The following FAM13B variants were observed in gnomAD, a reference collection of about 807,000 sequenced individuals.
FAM13B encodes the protein protein FAM13B.
In FAM13B, 60 loss-of-function variants were observed where a neutral mutation model predicts 117.3. The observed-to-expected ratio is 0.51, with a 90% CI of 0.42 to 0.63. The LOEUF (loss-of-function observed/expected upper bound fraction) is 0.63, where lower values mean the gene tolerates loss of function less well. FAM13B is among the 30% of genes least tolerant of loss of function. The probability of loss-of-function intolerance (pLI) is 0.00; values close to 1 mark genes in which losing one functional copy is unlikely to be tolerated. For missense variants in FAM13B, 972 were observed against 1,091.9 expected (o/e 0.89, Z 1.55); for synonymous variants, 332 against 356.1 (o/e 0.93, Z 0.76).
chr5:138,022,720 C>T (rs1186665487), intron 1 of FAM13B, among the ~76,000 whole-genome samples: 1 of 152,082 alleles, frequency 6.6e-6, no homozygotes, highest in Admixed American at 6.6e-5. Flanking sequence ...GCTTGATGTA[C>T]TATAAATGAA....
chr5:138,042,848 T>C (rs532781252), intron 1 of FAM13B, among the ~76,000 whole-genome samples: 100 of 152,186 alleles, frequency 6.6e-4, no homozygotes, highest in African/African-American at 2.3e-3. Context: ...TCCCAGCACT[T>C]TGGGAGGCTG....
chr5:137,965,979 C>CA (rs55675750), intron 10 of FAM13B, among the ~76,000 whole-genome samples: 26,837 of 151,546 alleles, frequency 0.18, 2,472 homozygotes, highest in African/African-American at 0.21. Flanking sequence ...CACCTTCATA[C>CA]ACTTTCAACT....
chr5:137,992,281 G>C (rs1015226669), intron 7 of FAM13B, among the ~76,000 whole-genome samples: 1 of 150,060 alleles, frequency 6.7e-6, no homozygotes, highest in Non-Finnish European at 1.5e-5. Context: ...AATTTTTAAA[G>C]TCTCCTGACA....
chr5:137,976,754 C>T (rs1376194587), intron 10 of FAM13B, among the ~76,000 whole-genome samples: 1 of 152,184 alleles, frequency 6.6e-6, no homozygotes, highest in African/African-American at 2.4e-5. Context: ...TTGTGATTTC[C>T]TATGCCTGTC....
chr5:138,010,130 G>GC (rs1783607875), intron 6 of FAM13B, among the ~76,000 whole-genome samples: 1 of 152,018 alleles, frequency 6.6e-6, no homozygotes, highest in South Asian at 2.1e-4. Flanking sequence ...ACAGGCACAT[G>GC]CCCCTATGCC....
chr5:137,982,538 CAA>C (rs1776048260), intron 10 of FAM13B, among the ~76,000 whole-genome samples: 3 of 141,642 alleles, frequency 2.1e-5, no homozygotes, highest in African/African-American at 7.9e-5. Context: ...ACAACAACAA[CAA>C]CAACAACCTT....
At chr5:137,967,263 T>C (rs983544167) in intron 10 of FAM13B, among the ~76,000 whole-genome samples, 4 of 152,174 alleles carry the variant, frequency 2.6e-5, no homozygotes, top group African/African-American at 9.7e-5. Flanking sequence ...CGGTGGCTTA[T>C]GCCTGTAATC....
chr5:137,999,490 C>T lies in FAM13B; in HGVS notation c.848+7500G>A, dbSNP rs942650556. Reference sequence around the variant, plus strand: ...ACTCAGGAGGCTGAGGCAGAAGAATCGCTTGAACCCAGGAGGCGGAGGCTG... The same window carrying T: ...ACTCAGGAGGCTGAGGCAGAAGAATTGCTTGAACCCAGGAGGCGGAGGCTG... On this transcript the variant is annotated intron_variant, in intron 7 of 23. Coordinates refer to ENST00000689681, the MANE Select transcript of FAM13B (RefSeq NM_001385994.1). 2.6e-5 allele frequency among the ~76,000 whole-genome samples: 4 copies of T among 151,980 alleles called. No individual in the cohort carries two copies. The East Asian group carries it at 5.8e-4, about 22-fold the overall frequency.
At chr5:138,003,432 G>A (rs1424431052) in intron 7 of FAM13B, among the ~76,000 whole-genome samples, 1 of 152,080 alleles carries the variant, frequency 6.6e-6, no homozygotes, top group African/African-American at 2.4e-5. Flanking sequence ...AAGTAGTCAT[G>A]GGTACTTTTT....
At chr5:137,980,806 C>T (rs759891623) in intron 10 of FAM13B, among the ~76,000 whole-genome samples, 6 of 152,168 alleles carry the variant, frequency 3.9e-5, no homozygotes, top group Non-Finnish European at 8.8e-5. Context: ...GTGCCAGATG[C>T]TATTCTGGTC....
At chr5:137,979,277 TGC>T (rs1774947419) in intron 10 of FAM13B, among the ~76,000 whole-genome samples, 1 of 152,118 alleles carries the variant, frequency 6.6e-6, no homozygotes, top group Non-Finnish European at 1.5e-5. Flanking sequence ...CCTCCCAAAG[TGC>T]AAGGATTACA....
rs913900601 is a variant in FAM13B, at chr5:137,938,060, G to A, written c.*2165C>T. The A allele has an allele frequency of 6.6e-6, 1 of 152,074 alleles. No homozygotes were observed. Among genetic ancestry groups the A allele is most frequent in the Admixed American group, 6.6e-5 (1 of 15,262 alleles). 9.4% of individuals were successfully genotyped at this position (152,074 alleles called of 1,614,324 possible). On this transcript the variant is annotated 3_prime_UTR_variant, in exon 24 of 24. Coordinates refer to ENST00000689681, the MANE Select transcript of FAM13B (RefSeq NM_001385994.1). ...GGACATATATATCTATATATTATTT[G>A]TATATAGATATACAGTTTTTATTTG...
At chr5:138,034,455 G>C (rs1790870604), upstream of FAM13B, among the ~76,000 whole-genome samples, 1 of 152,086 alleles carries the variant, frequency 6.6e-6, no homozygotes, top group African/African-American at 2.4e-5. Context: ...CATCATTCAG[G>C]GAGTCTCTCA....
intron 7 of FAM13B, among the ~76,000 whole-genome samples, chr5:138,001,151 C>A (rs999819151): frequency 6.6e-6 from 1 of 152,110 alleles, no homozygotes; most frequent in African/African-American, 2.4e-5. Context: ...CTTAAATCAT[C>A]CCCCAAGTGT....
At chr5:138,047,633 A>G (rs1328292881) in intron 1 of FAM13B, among the ~76,000 whole-genome samples, 1 of 152,242 alleles carries the variant, frequency 6.6e-6, no homozygotes, top group Non-Finnish European at 1.5e-5. Context: ...AGATGGGGAA[A>G]TTATCCCGGA....
chr5:137,950,424 T>TA (rs1275812327), intron 17 of FAM13B, among the ~76,000 whole-genome samples: 1 of 151,976 alleles, frequency 6.6e-6, no homozygotes, highest in East Asian at 1.9e-4. Flanking sequence ...ATGAAAGTGA[T>TA]AAAATCGGCC....
rs1375982191 is a variant in FAM13B, at chr5:137,987,510, T to C, written c.997A>G (p.Asn333Asp). ...CAATGAATACTTTCTGCTTCATTAT[T>C]ACACACCACACTTTGCTGTTGTAAA... The part of the protein sequence containing the change: ...KNLQQQSVVC[N>D]NEAESIHCDG... The change falls in exon 9 of 24, where the codon AAT becomes GAT. Residue 333 changes from asparagine to aspartate, a missense_variant. Physicochemically the swap from Asn to Asp is conservative, Grantham distance 23. Transcript: ENST00000689681. The C allele has an allele frequency of 2.5e-6, 4 of 1,613,366 alleles. No homozygotes were observed. Among genetic ancestry groups the C allele is most frequent in the Non-Finnish European group, 3.4e-6 (4 of 1,179,664 alleles).
chr5:137,942,052 T>C lies in FAM13B; in HGVS notation c.2589-7A>G. ...TTGTTCCAATAATTCAGGCCTAGAA[T>C]TGAAATGGTAAAATACTGAAGGGCA... On this transcript the variant is annotated splice_polypyrimidine_tract_variant and splice_region_variant and intron_variant, in intron 22 of 23. Transcript: ENST00000689681. The C allele has an allele frequency of 1.9e-6, 3 of 1,608,044 alleles. No homozygotes were observed. Among genetic ancestry groups the C allele is most frequent in the Non-Finnish European group, 2.6e-6 (3 of 1,175,072 alleles).
intron 10 of FAM13B, among the ~76,000 whole-genome samples, chr5:137,984,935 AT>A (rs1173965913): frequency 6.6e-6 from 1 of 151,524 alleles, no homozygotes; most frequent in African/African-American, 2.4e-5. Context: ...CGCCCGGCTA[AT>A]TTTTTTGTAT....
Sources: allele counts gnomAD v4.1 joint callset (sites outside exome capture counted in the v4.1 genomes callset), GRCh38; gene constraint gnomAD v4.1.1; transcripts MANE v1.5; gene names NCBI Gene and HGNC (gene_info 2026-07-23, HGNC 2026-07-21).